Variants in HPSE2 observed in about 807,000 individuals in gnomAD.
HPSE2 encodes inactive heparanase-2.
HPSE2 carries 38 observed loss-of-function variants against 60.5 expected under a neutral mutation model. That is an observed-to-expected ratio of 0.63 (90% CI 0.48 to 0.82). HPSE2 has a LOEUF of 0.82. Among genes scored for constraint, HPSE2 ranks in the 40% least tolerant of loss-of-function variants. The probability of loss-of-function intolerance (pLI) is 0.00; values close to 1 mark genes in which losing one functional copy is unlikely to be tolerated. For synonymous variants in HPSE2, 295 were observed against 293.2 expected (o/e 1.01, Z -0.06); for missense variants, 713 against 740.4 (o/e 0.96, Z 0.43).
Position 98,824,805 on chromosome 10 carries a change from C to T in HPSE2, c.611-80749G>A, listed in dbSNP as rs563631472. ...CTCAAGTCACAGGTAGCTGCTGTTG[C>T]TTCTGCTCTTAAAACCTCTTCAAAT... On this transcript the variant is annotated intron_variant, in intron 3 of 11. Transcript: ENST00000370552. Among the ~76,000 whole-genome samples the T allele has an allele frequency of 8.5e-5, 13 of 152,318 alleles. No homozygotes were observed. In the East Asian group the frequency reaches 2.5e-3, roughly 29 times the overall value.
chr10:98,881,278 T>C (rs1288300018), intron 3 of HPSE2, among the ~76,000 whole-genome samples: 1 of 152,038 alleles, frequency 6.6e-6, no homozygotes, highest in African/African-American at 2.4e-5. Flanking sequence ...CTTCCCTTGG[T>C]AGATCAAGTC....
chr10:98,896,088 T>A (rs1269738561), intron 3 of HPSE2, among the ~76,000 whole-genome samples: 2 of 150,860 alleles, frequency 1.3e-5, no homozygotes, highest in Non-Finnish European at 3.0e-5. Flanking sequence ...AGTATAATAA[T>A]AATTAAAAAA....
chr10:99,067,421 CT>C lies in HPSE2; in HGVS notation c.610+76816del, dbSNP rs1441459046. 2.6e-5 allele frequency among the ~76,000 whole-genome samples: 4 copies of C among 152,232 alleles called. No individual in the cohort carries two copies. The South Asian group carries it at 6.2e-4, about 24-fold the overall frequency. ...GAGGTTCTCCATGACGGTTCCACCC[CT>C]GAAGCAAAATTCTGCCTGGACATCC... On this transcript the variant is annotated intron_variant, in intron 3 of 11. Coordinates refer to ENST00000370552, the MANE Select transcript of HPSE2 (RefSeq NM_021828.5).
intron 11 of HPSE2, among the ~76,000 whole-genome samples, chr10:98,481,033 G>A (rs1941214821): frequency 1.3e-5 from 2 of 152,132 alleles, no homozygotes; most frequent in South Asian, 4.2e-4. Flanking sequence ...GGACACCTTG[G>A]CTTGTTAGAC....
chr10:99,146,048 T>TA (rs1589728092), intron 2 of HPSE2, among the ~76,000 whole-genome samples: 6 of 152,296 alleles, frequency 3.9e-5, no homozygotes, highest in African/African-American at 1.4e-4. Context: ...ATTTAACAAA[T>TA]AACTAGTCTC....
chr10:99,053,796 T>C (rs1958046768), intron 3 of HPSE2, among the ~76,000 whole-genome samples: 1 of 141,072 alleles, frequency 7.1e-6, no homozygotes, highest in South Asian at 2.5e-4. Context: ...TGGTACAATC[T>C]TGGTTCACTG....
chr10:98,832,584 T>C (rs1657168478), intron 3 of HPSE2, among the ~76,000 whole-genome samples: 1 of 152,116 alleles, frequency 6.6e-6, no homozygotes, highest in South Asian at 2.1e-4. Context: ...CTAGGTGAGG[T>C]AGCTAAGAAT....
intron 3 of HPSE2, among the ~76,000 whole-genome samples, chr10:98,914,548 A>C (rs922201735): frequency 5.3e-5 from 8 of 149,646 alleles, no homozygotes; most frequent in African/African-American, 2.0e-4. Flanking sequence ...AATAGCAAAC[A>C]CTTCTTAATC....
intron 3 of HPSE2, among the ~76,000 whole-genome samples, chr10:99,008,581 C>T (rs1340653680): frequency 6.6e-6 from 1 of 152,278 alleles, no homozygotes; most frequent in East Asian, 1.9e-4. Flanking sequence ...TTTCTTTAAT[C>T]CTGAATAAAG....
chr10:98,660,988 G>T (rs543474196), intron 6 of HPSE2, among the ~76,000 whole-genome samples: 1 of 152,324 alleles, frequency 6.6e-6, no homozygotes, highest in East Asian at 1.9e-4. Flanking sequence ...CCAGAGGCCA[G>T]GACACATCTC....
intron 6 of HPSE2, among the ~76,000 whole-genome samples, chr10:98,679,768 T>C (rs1030342161): frequency 5.3e-5 from 8 of 152,118 alleles, no homozygotes; most frequent in African/African-American, 9.7e-5. Flanking sequence ...TAGCTCACTA[T>C]ATAACCTCCA....
At chr10:98,838,200 T>C (rs12221431) in intron 3 of HPSE2, among the ~76,000 whole-genome samples, 5,741 of 152,194 alleles carry the variant, frequency 0.038, 232 homozygotes, top group East Asian at 0.17. Context: ...AGACCTGTGT[T>C]TAAATCCCAA....
At chr10:98,765,141 A>G (rs1950092317) in intron 3 of HPSE2, among the ~76,000 whole-genome samples, 1 of 152,234 alleles carries the variant, frequency 6.6e-6, no homozygotes, top group Admixed American at 6.5e-5. Context: ...TGGAGACCTG[A>G]ACAATACTAT....
chr10:99,268,998 A>C, the HPSE2 span, among the ~76,000 whole-genome samples: 1 of 152,048 alleles, frequency 6.6e-6, no homozygotes, highest in Admixed American at 6.6e-5. Context: ...TCAACTAAAA[A>C]AAATACAAAA....
chr10:98,740,574 T>A (rs11189791), intron 4 of HPSE2, among the ~76,000 whole-genome samples: 5,767 of 152,264 alleles, frequency 0.038, 241 homozygotes, highest in East Asian at 0.17. Context: ...GCCCACACTA[T>A]TCACTGCTTT....
intron 3 of HPSE2, among the ~76,000 whole-genome samples, chr10:98,996,567 T>C (rs958979518): frequency 1.3e-5 from 2 of 152,252 alleles, no homozygotes; most frequent in African/African-American, 4.8e-5. Flanking sequence ...TTACTCATGA[T>C]AACCAAATAC....
chr10:98,865,026 G>A lies in HPSE2; in HGVS notation c.611-120970C>T, dbSNP rs191759702. Among the ~76,000 whole-genome samples, 21 of 152,116 alleles carry A rather than the reference G, an allele frequency of 1.4e-4. No homozygotes were observed. The East Asian group carries it at 3.9e-3, about 28-fold the overall frequency. On this transcript the variant is annotated intron_variant, in intron 3 of 11. Transcript: ENST00000370552. ...TGTCAAGCCATGCTTTTTGTTCAGT[G>A]TTTTTATCAATGTTGTCACAAGAGA...
chr10:98,585,143 C>T (rs939833895), intron 9 of HPSE2, among the ~76,000 whole-genome samples: 14 of 152,094 alleles, frequency 9.2e-5, no homozygotes, highest in African/African-American at 3.4e-4. Context: ...AAGCCATGAC[C>T]AGGATGACTT....
intron 2 of HPSE2, among the ~76,000 whole-genome samples, chr10:99,208,444 G>A (rs1848835520): frequency 6.6e-6 from 1 of 152,086 alleles, no homozygotes; most frequent in Non-Finnish European, 1.5e-5. Flanking sequence ...CAGCACTTTG[G>A]GAGGCCAAAG....
Sources: allele counts gnomAD v4.1 joint callset (sites outside exome capture counted in the v4.1 genomes callset), GRCh38; gene constraint gnomAD v4.1.1; transcripts MANE v1.5; gene names NCBI Gene and HGNC (gene_info 2026-07-23, HGNC 2026-07-21).